The following GPLD1 variants were observed in gnomAD, a reference collection of about 807,000 sequenced individuals.
GPLD1 encodes glycosylphosphatidylinositol specific phospholipase D1.
In GPLD1, 84 loss-of-function variants were observed where a neutral mutation model predicts 112.6. The observed-to-expected ratio is 0.75, with a 90% CI of 0.63 to 0.89. The LOEUF (loss-of-function observed/expected upper bound fraction) is 0.89. Ranked by LOEUF, GPLD1 falls within the 40% of genes least tolerant of loss-of-function variation. GPLD1 has a pLI of 0.00. For missense variants in GPLD1, 1,044 were observed against 1,051.5 expected, an observed-to-expected ratio of 0.99 and a Z score of 0.10; for synonymous variants, 386 against 403.8, an observed-to-expected ratio of 0.96 and a Z score of 0.53.
At chr6:24,451,167 T>C (rs1207586799) in intron 14 of GPLD1, among the ~76,000 whole-genome samples, 1 of 151,680 alleles carries the variant, frequency 6.6e-6, no homozygotes, top group Admixed American at 6.6e-5. Context: ...TTTAAATGGA[T>C]TAAGGTAGGA....
intron 13 of GPLD1, among the ~76,000 whole-genome samples, chr6:24,455,633 CTT>C (rs939449326): frequency 3.3e-5 from 5 of 152,068 alleles, no homozygotes; most frequent in Non-Finnish European, 7.4e-5. Flanking sequence ...GGTATACCAG[CTT>C]TTACCATATG....
At chr6:24,440,581 C>CAAAAAAAAAAAAAAAAAAAA (rs58480061) in intron 20 of GPLD1, among the ~76,000 whole-genome samples, 2 of 118,528 alleles carry the variant, frequency 1.7e-5, no homozygotes, top group Non-Finnish European at 3.5e-5. Context: ...AAAAAATACT[C>CAAAAAAAAAAAAAAAAAAAA]AAAAAAAAAA....
intron 6 of GPLD1, 54 bp from the exon 7 acceptor site, chr6:24,472,690 G>A: frequency 1.1e-6 from 1 of 927,366 alleles, no homozygotes; most frequent in Non-Finnish European, 1.8e-6. Flanking sequence ...AACATAGCAT[G>A]CATCTATTCA....
intron 14 of GPLD1, among the ~76,000 whole-genome samples, chr6:24,453,675 A>G (rs373073632): frequency 2.8e-4 from 40 of 140,666 alleles, no homozygotes; most frequent in African/African-American, 9.0e-4. Context: ...AAATACTTAC[A>G]AAGTTTTATA....
At chr6:24,437,022 A>G (rs1273288030) in intron 21 of GPLD1, 91 bp downstream of exon 21, 15 of 1,166,858 alleles carry the variant, frequency 1.3e-5, no homozygotes, top group Middle Eastern at 4.1e-4. Flanking sequence ...GCTGTCAATT[A>G]TAAGGGCAGA....
chr6:24,455,934 G>T (rs541522665), intron 13 of GPLD1, among the ~76,000 whole-genome samples: 2 of 152,130 alleles, frequency 1.3e-5, no homozygotes, highest in African/African-American at 2.4e-5. Context: ...CAGCACTTTG[G>T]GGGGCTGAGG....
chr6:24,453,349 A>T (rs917055798), intron 14 of GPLD1, among the ~76,000 whole-genome samples: 9 of 152,222 alleles, frequency 5.9e-5, no homozygotes, highest in African/African-American at 2.2e-4. Flanking sequence ...TGAATCTAAA[A>T]TTCTGGACGG....
In GPLD1 at chr6:24,466,688, A is replaced by G; in HGVS notation, c.813T>C (p.Asn271=). The G allele has an allele frequency of 6.2e-7, 1 of 1,612,728 alleles. No individual in the cohort carries two copies. The highest frequency in any genetic ancestry group is 8.5e-7 in the Non-Finnish European group (1 of 1,178,804). The change falls in exon 10 of 25, where the codon AAT becomes AAC. Residue 271 remains asparagine (N), a synonymous_variant. Coordinates refer to ENST00000230036, the MANE Select transcript of GPLD1 (RefSeq NM_001503.4). The stretch of plus-strand genomic sequence containing the variant: ...ATGCAATATGAATTCACCTGGTCCC[A>G]TTCTCCAACATGAAGCTTGTTAGAT... The part of the protein sequence containing the change: ...IYHLTSFMLE[N]GTSDCNLPEN...
chr6:24,452,658 C>A (rs1288827549), intron 14 of GPLD1, among the ~76,000 whole-genome samples: 1 of 151,926 alleles, frequency 6.6e-6, no homozygotes, highest in African/African-American at 2.4e-5. Flanking sequence ...TGCCTGTAGT[C>A]CTAGCTACTT....
intron 3 of GPLD1, among the ~76,000 whole-genome samples, chr6:24,477,698 C>A (rs964588055): frequency 6.6e-6 from 1 of 152,116 alleles, no homozygotes; most frequent in Non-Finnish European, 1.5e-5. Context: ...CCACTGCACC[C>A]CAGCCTGGGC....
At chr6:24,467,983 C>A (rs573977606) in intron 7 of GPLD1, among the ~76,000 whole-genome samples, 2 of 151,966 alleles carry the variant, frequency 1.3e-5, no homozygotes, top group Non-Finnish European at 2.9e-5. Context: ...CTCCGTTCAC[C>A]GCAACCTCCG....
chr6:24,475,688 C>CAAA (rs35291266), intron 4 of GPLD1, among the ~76,000 whole-genome samples: 15 of 113,282 alleles, frequency 1.3e-4, no homozygotes, highest in African/African-American at 4.9e-4. Context: ...ACTAAAAATA[C>CAAA]AAAAAAAAAA....
chr6:24,429,277 C>T (rs1044093474), intron 24 of GPLD1, among the ~76,000 whole-genome samples, 159 bp from the exon 25 acceptor site: 2 of 152,244 alleles, frequency 1.3e-5, no homozygotes, highest in Non-Finnish European at 2.9e-5. Context: ...CCTTTGTTTA[C>T]AGACCGCTTT....
chr6:24,454,247 G>T, intron 13 of GPLD1, 46 bp from the exon 14 acceptor site: 1 of 1,375,688 alleles, frequency 7.3e-7, no homozygotes, highest in South Asian at 1.5e-5. Context: ...TGAGCACTAG[G>T]GTTAAAGCTG....
Position 24,489,564 on chromosome 6 carries a change from GC to G in GPLD1, c.-54del, listed in dbSNP as rs1764498033. 1 of 1,610,662 alleles carries G rather than the reference GC, an allele frequency of 6.2e-7. No homozygotes were observed. The highest frequency in any genetic ancestry group is 8.5e-7 in the Non-Finnish European group (1 of 1,178,460). On this transcript the variant is annotated 5_prime_UTR_variant, in exon 1 of 25. Coordinates refer to ENST00000230036, the MANE Select transcript of GPLD1 (RefSeq NM_001503.4). ...TGACGTGGGAATGCTCAGAGCTGCA[GC>G]AGCACTGGGACTCCAAAATCCAGGT...
chr6:24,475,270 G>T, intron 4 of GPLD1, 39 bp from the exon 5 acceptor site: 2 of 1,014,378 alleles, frequency 2.0e-6, no homozygotes, highest in African/African-American at 1.6e-5. Context: ...GTGTTTGGGT[G>T]ATTTTATAAT....
intron 7 of GPLD1, among the ~76,000 whole-genome samples, chr6:24,469,807 T>TA (rs1763738447): frequency 2.0e-5 from 3 of 151,988 alleles, no homozygotes; most frequent in Non-Finnish European, 4.4e-5. Context: ...ATAAACAAGA[T>TA]AAAAAATCGC....
intron 22 of GPLD1, among the ~76,000 whole-genome samples, chr6:24,434,435 C>A (rs955793617): frequency 6.6e-6 from 1 of 151,270 alleles, no homozygotes; most frequent in Non-Finnish European, 1.5e-5. Context: ...AAATTATGCA[C>A]AATAGGATCA....
At chr6:24,487,656 A>G (rs1405159258) in intron 1 of GPLD1, among the ~76,000 whole-genome samples, 2 of 151,150 alleles carry the variant, frequency 1.3e-5, no homozygotes, top group South Asian at 4.1e-4. Flanking sequence ...GAATTCTTTA[A>G]GAAGTTCAAC....
Sources: gnomAD v4.1 joint callset for allele counts (sites outside exome capture counted in the v4.1 genomes callset) on GRCh38, gnomAD v4.1.1 for gene constraint, MANE v1.5 for transcripts, NCBI Gene and HGNC (gene_info 2026-07-23, HGNC 2026-07-21) for gene names.